Variants in SLC7A6 observed in about 807,000 individuals in gnomAD.
SLC7A6 encodes solute carrier family 7 member 6.
Under a neutral mutation model 46.6 loss-of-function variants are expected in SLC7A6, and 29 were observed. The observed-to-expected ratio is 0.62, with a 90% CI of 0.46 to 0.85. The LOEUF (loss-of-function observed/expected upper bound fraction) is 0.85. Ranked by LOEUF, SLC7A6 falls within the 40% of genes least tolerant of loss-of-function variation. The probability of loss-of-function intolerance (pLI) is 0.00; values close to 1 mark genes in which losing one functional copy is unlikely to be tolerated. For synonymous variants in SLC7A6, 276 were observed against 257.3 expected (o/e 1.07, Z -0.70); for missense variants, 527 against 647.6 (o/e 0.81, Z 2.02).
intron 4 of SLC7A6, among the ~76,000 whole-genome samples, chr16:68,289,602 A>G (rs1249591539): frequency 6.6e-6 from 1 of 152,158 alleles, no homozygotes; most frequent in Non-Finnish European, 1.5e-5. Flanking sequence ...AGGGTGTGAC[A>G]ATGGGCTTCC....
rs1486665407 is a variant in SLC7A6, at chr16:68,275,134, G to C, written c.408G>C (p.Glu136Asp). 6.2e-7 allele frequency: 1 copy of C among 1,613,974 alleles called. No individual in the cohort carries two copies. The highest frequency in any genetic ancestry group is 8.5e-7 in the Non-Finnish European group (1 of 1,180,038). ...TGTGGGTCTCACTGCTAGTTGTTGA[G>C]CCCACCGGTCAGGCCATCATCGCCA... ...IRLWVSLLVV[E>D]PTGQAIIAIT... Residue 136 changes from glutamate to aspartate, a missense_variant, in exon 3 of 11, where the codon GAG becomes GAC. By Grantham distance (45) the Glu-to-Asp change is conservative. Coordinates refer to ENST00000219343, the MANE Select transcript of SLC7A6 (RefSeq NM_003983.6).
At chr16:68,291,826 T>G (rs2043060173) in intron 7 of SLC7A6, 165 bp downstream of exon 7, 2 of 582,132 alleles carry the variant, frequency 3.4e-6, no homozygotes, top group East Asian at 5.7e-5. Flanking sequence ...GTACTTGCCT[T>G]TGTGCAAGTA....
chr16:68,300,907 A>T lies in SLC7A6; in HGVS notation c.*3579A>T, dbSNP rs2043259325. 1 of 996,526 alleles carries T rather than the reference A, an allele frequency of 1.0e-6. No homozygotes were observed. The highest frequency in any genetic ancestry group is 4.5e-5 in the South Asian group (1 of 22,144). 61.7% of individuals were successfully genotyped at this position (996,526 alleles called of 1,614,324 possible). A position where few individuals can be genotyped will look rare whatever the true frequency, so the allele number is the denominator to read the frequency against. On this transcript the variant is annotated 3_prime_UTR_variant, in exon 11 of 11. Transcript: ENST00000219343. ...CAGCCTGGTGGTATGGCACAGCAGAAGCTTACTGCTAATGAAATGGGAACC... is the reference window on the plus strand; with the variant it reads ...CAGCCTGGTGGTATGGCACAGCAGATGCTTACTGCTAATGAAATGGGAACC...
In SLC7A6 at chr16:68,300,070, C is replaced by T. The variant is rs538092395; in HGVS notation, c.*2742C>T. On this transcript the variant is annotated 3_prime_UTR_variant, in exon 11 of 11. Coordinates refer to ENST00000219343, the MANE Select transcript of SLC7A6 (RefSeq NM_003983.6). ...CATGACAGTGAGTAAGAGACACTCA[C>T]AGGCTATGAGGGTACACCCCTAGCT... The T allele has an allele frequency of 2.0e-5, 3 of 152,210 alleles. No homozygotes were observed. Among genetic ancestry groups the T allele is most frequent in the Non-Finnish European group, 4.4e-5 (3 of 68,044 alleles). The allele number at this position is 152,210 out of a possible 1,614,324, so 9.4% of individuals were successfully genotyped here.
rs1473218930 is a variant in SLC7A6 at position 68,290,435 on chromosome 16, C to G, written c.689C>G (p.Ser230Cys). ...TTTCAGGACGCCTTTGAGGGTTCCT[C>G]CTGGGACATGGGAAACCTCTCTCTT... ...EHFQDAFEGS[S>C]WDMGNLSLAL... Residue 230 changes from serine (S) to cysteine (C), a missense_variant, in exon 5 of 11, where the codon TCC becomes TGC. Transcript: ENST00000219343. 1 of 1,614,070 alleles carries G rather than the reference C, an allele frequency of 6.2e-7. No homozygotes were observed. The highest frequency in any genetic ancestry group is 1.3e-5 in the African/African-American group (1 of 74,902).
chr16:68,296,871 G>A lies in SLC7A6; in HGVS notation c.1453+61G>A, dbSNP rs549810039. On this transcript the variant is annotated intron_variant, in intron 10 of 10. Coordinates refer to ENST00000219343, the MANE Select transcript of SLC7A6 (RefSeq NM_003983.6). ...TATGTGTGCATGCGCATGCAGAGGT[G>A]GGGGGTGGCTAACAGCTTCCCCATA... The A allele has an allele frequency of 4.8e-4, 752 of 1,555,184 alleles. 7 individuals are homozygous for A. In the South Asian group the frequency reaches 8.2e-3, roughly 17 times the overall value.
At chr16:68,281,937 C>T (rs1006076016) in intron 3 of SLC7A6, among the ~76,000 whole-genome samples, 1 of 152,180 alleles carries the variant, frequency 6.6e-6, no homozygotes, top group African/African-American at 2.4e-5. Flanking sequence ...CTCCATTCCC[C>T]CTGAGTTTGT....
chr16:68,291,965 CAT>C (rs2043064434), intron 7 of SLC7A6: 1 of 312,676 alleles, frequency 3.2e-6, no homozygotes, highest in Non-Finnish European at 6.0e-6. Flanking sequence ...GCTGGTAGCT[CAT>C]GTTTATGTGC....
chr16:68,278,233 G>T (rs939894443), intron 3 of SLC7A6, among the ~76,000 whole-genome samples: 1 of 152,164 alleles, frequency 6.6e-6, no homozygotes, highest in African/African-American at 2.4e-5. Flanking sequence ...GGGATTACAG[G>T]CATGAGCCAC....
chr16:68,279,472 A>T (rs560134870), intron 3 of SLC7A6, among the ~76,000 whole-genome samples: 92 of 152,284 alleles, frequency 6.0e-4, no homozygotes, highest in African/African-American at 2.2e-3. Context: ...ACTGGATTTA[A>T]TTTTCAGCTT....
Position 68,290,479 on chromosome 16 carries a change from TTC to T in SLC7A6, c.737_738del (p.Ser246LeufsTer8). On this transcript the variant is annotated frameshift_variant, in exon 5 of 11. Coordinates refer to ENST00000219343, the MANE Select transcript of SLC7A6 (RefSeq NM_003983.6). LOFTEE classifies it high-confidence loss of function. ...NLSLALYSAL[F>X]SYSGWDTLNF... ...CTCTCTTGCCCTCTACTCTGCCCTCTTCTCTTACTCAGGTTGGGACACCCTTA... is the reference window on the plus strand; with the variant it reads ...CTCTCTTGCCCTCTACTCTGCCCTCTTCTTACTCAGGTTGGGACACCCTTA... 6.2e-7 allele frequency: 1 copy of T among 1,614,206 alleles called. No individual in the cohort carries two copies. Among genetic ancestry groups the T allele is most frequent in the East Asian group, 2.2e-5 (1 of 44,886 alleles).
At chr16:68,296,860 C>T in intron 10 of SLC7A6, 50 bp downstream of exon 10, 2 of 1,592,024 alleles carry the variant, frequency 1.3e-6, no homozygotes, top group South Asian at 2.3e-5. Flanking sequence ...TGTGCATGCG[C>T]ATGCAGAGGT....
At position 68,301,216 on chromosome 16, in the gene SLC7A6, A is replaced by G. The variant is rs2043266451; in HGVS notation, c.*3888A>G. The stretch of plus-strand genomic sequence containing the variant: ...TAACAGGATGTCAGCAGGGCAGTTA[A>G]CTCTGGACTCAGAGCCCTCAAGGGC... On this transcript the variant is annotated 3_prime_UTR_variant, in exon 11 of 11. Transcript: ENST00000219343. 1.9e-6 allele frequency: 3 copies of G among 1,583,356 alleles called. No homozygotes were observed.
At chr16:68,286,211 T>C (rs2042929462) in intron 3 of SLC7A6, among the ~76,000 whole-genome samples, 1 of 151,828 alleles carries the variant, frequency 6.6e-6, no homozygotes, top group Non-Finnish European at 1.5e-5. Flanking sequence ...GGGAGAGACT[T>C]GAGACAGGTG....
At chr16:68,275,316 C>A (rs2042690723) in intron 3 of SLC7A6, 67 bp downstream of exon 3, 6 of 1,552,152 alleles carry the variant, frequency 3.9e-6, no homozygotes, top group Non-Finnish European at 5.2e-6. Context: ...GTACTTTAGG[C>A]CGGGCGCGGT....
At chr16:68,293,982 C>T (rs1467021327) in intron 7 of SLC7A6, among the ~76,000 whole-genome samples, 2 of 152,176 alleles carry the variant, frequency 1.3e-5, no homozygotes, top group East Asian at 3.9e-4. Flanking sequence ...ACTGCAACCT[C>T]CGCCTCCTGG....
Position 68,297,527 on chromosome 16 carries a change from A to C in SLC7A6, c.*199A>C. 9.4e-6 allele frequency: 2 copies of C among 212,636 alleles called. No homozygotes were observed. Among genetic ancestry groups the C allele is most frequent in the Non-Finnish European group, 9.4e-6 (1 of 106,760 alleles). 13.2% of individuals were successfully genotyped at this position (212,636 alleles called of 1,614,324 possible). A position where few individuals can be genotyped will look rare whatever the true frequency, so the allele number is the denominator to read the frequency against. On this transcript the variant is annotated 3_prime_UTR_variant, in exon 11 of 11. Transcript: ENST00000219343. ...GGGCCAACCTCAAGGTGGGGGCTTC[A>C]GAGGGTGGGGGGAAGATTGGGGAAC...
intron 3 of SLC7A6, among the ~76,000 whole-genome samples, chr16:68,277,467 G>A (rs1024279158): frequency 2.7e-5 from 4 of 150,870 alleles, no homozygotes; most frequent in Admixed American, 2.0e-4. Flanking sequence ...GCCCGCCACC[G>A]TGCCCGGCTA....
In SLC7A6 at chr16:68,296,712, T is replaced by G; in HGVS notation, c.1355T>G (p.Leu452Arg). The G allele has an allele frequency of 6.2e-7, 1 of 1,614,206 alleles. No individual in the cohort carries two copies. Among genetic ancestry groups the G allele is most frequent in the Non-Finnish European group, 8.5e-7 (1 of 1,180,028 alleles). Residue 452 changes from leucine (L) to arginine (R), a missense_variant, in exon 10 of 11, where the codon CTC becomes CGC. Transcript: ENST00000219343. ...CTCTTCACTGACACCATTAATTCCC[T>G]CATTGGCATCGGGATTGCCCTTTCT... ...VPLFTDTINSLIGIGIALSGV... is the reference protein window; with the variant it reads ...VPLFTDTINSRIGIGIALSGV...
Sources: gnomAD v4.1 joint callset for allele counts (sites outside exome capture counted in the v4.1 genomes callset) on GRCh38, gnomAD v4.1.1 for gene constraint, MANE v1.5 for transcripts, NCBI Gene and HGNC (gene_info 2026-07-23, HGNC 2026-07-21) for gene names.